RMI1: variants seen among roughly 807,000 people sequenced by gnomAD.
RMI1 encodes the protein recQ-mediated genome instability protein 1.
RMI1 carries 36 observed loss-of-function variants against 46.7 expected under a neutral mutation model. That is an observed-to-expected ratio of 0.77 (90% CI 0.59 to 1.02). The LOEUF is 1.02. Ranked by LOEUF, RMI1 falls within the 50% of genes least tolerant of loss-of-function variation. The probability of loss-of-function intolerance (pLI) is 0.00; values close to 1 mark genes in which losing one functional copy is unlikely to be tolerated. For missense variants in RMI1, 676 were observed against 713.7 expected (o/e 0.95, Z 0.60); for synonymous variants, 250 against 252.9 (o/e 0.99, Z 0.11).
At chr9:83,991,518 A>G (rs1046415353) in intron 1 of RMI1, among the ~76,000 whole-genome samples, 14 of 151,952 alleles carry the variant, frequency 9.2e-5, no homozygotes, top group Non-Finnish European at 1.3e-4. Flanking sequence ...GGGTCTTGCT[A>G]TGTTGCCCAG....
At position 84,001,110 on chromosome 9, in the gene RMI1, A is replaced by G. The variant is rs2133130840; in HGVS notation, c.124A>G (p.Asn42Asp). Residue 42 changes from asparagine (N) to aspartate (D), a missense_variant, in exon 3 of 3, where the codon AAC (asparagine) becomes GAC (aspartate). Transcript: ENST00000445877. ...GATTCAAGAAGAAAATAATAATGTT[A>G]ACTTGAGTCAGGCCCAAATGAATAA... Reference protein sequence around the residue: ...NWIQEENNNVNLSQAQMNKQV... With the variant: ...NWIQEENNNVDLSQAQMNKQV... 1 of 1,614,138 alleles carries G rather than the reference A, an allele frequency of 6.2e-7. No individual in the cohort carries two copies. Among genetic ancestry groups the G allele is most frequent in the African/African-American group, 1.3e-5 (1 of 75,058 alleles).
At chr9:83,996,064 A>G in intron 1 of RMI1, among the ~76,000 whole-genome samples, 1 of 152,114 alleles carries the variant, frequency 6.6e-6, no homozygotes, top group East Asian at 1.9e-4. Context: ...CCTAAAGTGT[A>G]TTATAATTTT....
chr9:83,980,750 G>A (rs1318242493), upstream of RMI1: 1 of 152,382 alleles, frequency 6.6e-6, no homozygotes, highest in East Asian at 1.9e-4. Flanking sequence ...AGTCCTTTGG[G>A]GTTGGAGGAG....
intron 1 of RMI1, among the ~76,000 whole-genome samples, chr9:83,998,544 A>G (rs1405218233): frequency 6.6e-6 from 1 of 152,230 alleles, no homozygotes; most frequent in African/African-American, 2.4e-5. Flanking sequence ...TAAGGAATCC[A>G]TGTCACTGAG....
chr9:83,997,431 A>G (rs1311738397), intron 1 of RMI1, among the ~76,000 whole-genome samples: 1 of 151,376 alleles, frequency 6.6e-6, no homozygotes, highest in Non-Finnish European at 1.5e-5. Flanking sequence ...CTTAATTGAA[A>G]AAAAAAAAGA....
chr9:83,997,378 T>C (rs925313936), intron 1 of RMI1, among the ~76,000 whole-genome samples: 7 of 151,762 alleles, frequency 4.6e-5, no homozygotes, highest in African/African-American at 1.5e-4. Flanking sequence ...CCCAAAGTGC[T>C]GGGATTACAG....
intron 1 of RMI1, among the ~76,000 whole-genome samples, chr9:83,985,805 A>G (rs1481459058): frequency 4.6e-5 from 7 of 152,054 alleles, no homozygotes; most frequent in Admixed American, 1.3e-4. Context: ...TCAGGAGATC[A>G]AGACCATCCT....
chr9:83,981,480 C>G (rs1957393174), intron 1 of RMI1, among the ~76,000 whole-genome samples: 1 of 152,182 alleles, frequency 6.6e-6, no homozygotes, highest in Non-Finnish European at 1.5e-5. Context: ...CGCACACTTG[C>G]ATTGTATTCG....
intron 1 of RMI1, among the ~76,000 whole-genome samples, chr9:83,997,108 C>CCT (rs763413688): frequency 1.7e-4 from 10 of 60,326 alleles, no homozygotes; most frequent in African/African-American, 7.0e-4. Flanking sequence ...ACACCCCCCC[C>CCT]TTTTTTTTTT....
rs768542987 is a variant in RMI1, at chr9:84,001,566, G to C, written c.580G>C (p.Val194Leu). ...AAACGTGAAAGTGTTAGGAGGTGAA[G>C]TAGATGCTCTTTTAGAAGAATATGC... ...PENVKVLGGE[V>L]DALLEEYAQE... Residue 194 changes from valine (V) to leucine (L), a missense_variant, in exon 3 of 3, where the codon GTA (valine) becomes CTA (leucine). Coordinates refer to ENST00000445877, the MANE Select transcript of RMI1 (RefSeq NM_001358291.2). 1 of 1,613,936 alleles carries C rather than the reference G, an allele frequency of 6.2e-7. No individual in the cohort carries two copies. The highest frequency in any genetic ancestry group is 1.3e-5 in the African/African-American group (1 of 75,060).
At chr9:83,997,170 G>A (rs1402462859) in intron 1 of RMI1, among the ~76,000 whole-genome samples, 1 of 137,800 alleles carries the variant, frequency 7.3e-6, no homozygotes, top group Non-Finnish European at 1.5e-5. Context: ...GGAGTGCAAT[G>A]GCGCAACCTC....
chr9:83,996,803 GGTGAAA>G (rs973201141), intron 1 of RMI1, among the ~76,000 whole-genome samples: 10 of 152,176 alleles, frequency 6.6e-5, no homozygotes, highest in African/African-American at 2.4e-4. Flanking sequence ...TTAAAATCAT[GGTGAAA>G]GTGAAGGCAA....
chr9:83,992,522 G>T (rs1260145684), intron 1 of RMI1, among the ~76,000 whole-genome samples: 1 of 151,548 alleles, frequency 6.6e-6, no homozygotes, highest in Non-Finnish European at 1.5e-5. Flanking sequence ...AAGGAGACTT[G>T]TTTATTGTAT....
chr9:83,997,107 C>T lies in RMI1; in HGVS notation c.-125-2602C>T, dbSNP rs1157339396. On this transcript the variant is annotated intron_variant, in intron 1 of 2. Transcript: ENST00000445877. ...GGTAGAGGTAAGTCCAACACCCCCC[C>T]CTTTTTTTTTTTTTTTTTTTTGAGA... Among the ~76,000 whole-genome samples the T allele has an allele frequency of 9.7e-5, 9 of 92,418 alleles. No homozygotes were observed. In the East Asian group the frequency reaches 2.2e-3, roughly 22 times the overall value. 60.6% of individuals were successfully genotyped at this position (92,418 alleles called of 152,430 possible).
chr9:83,980,450 G>C (rs908603774), upstream of RMI1: 7 of 152,714 alleles, frequency 4.6e-5, no homozygotes, highest in African/African-American at 1.7e-4. Context: ...CTTTCAGGGA[G>C]CCCCAACCCT....
chr9:83,981,110 A>C (rs1957377139), intron 1 of RMI1: 1 of 152,276 alleles, frequency 6.6e-6, no homozygotes, highest in African/African-American at 2.4e-5. Context: ...CCGGGGGCGC[A>C]GCTGGCGGTT....
rs1564088168 is a variant in RMI1, at chr9:84,003,931, A to AAG, written c.*1068_*1069insGA. 8 of 166,434 alleles carry AAG rather than the reference A, an allele frequency of 4.8e-5. No homozygotes were observed. Among genetic ancestry groups the AAG allele is most frequent in the African/African-American group, 1.9e-4 (8 of 41,528 alleles). 10.3% of individuals were successfully genotyped at this position (166,434 alleles called of 1,614,324 possible). ...TTAAGTACTGATTTTTTTTTAAAAA[A>AAG]AAGAGGGACTGTTTACCATTCTTCC... is the stretch of plus-strand genomic sequence containing the variant. On this transcript the variant is annotated 3_prime_UTR_variant, in exon 3 of 3. Transcript: ENST00000445877.
intron 1 of RMI1, among the ~76,000 whole-genome samples, chr9:83,990,397 C>T (rs889015047): frequency 6.6e-6 from 1 of 151,822 alleles, no homozygotes. Flanking sequence ...CTAGTCCCAG[C>T]TACTTGGGAG....
At chr9:83,996,770 A>G (rs1401728903) in intron 1 of RMI1, among the ~76,000 whole-genome samples, 3 of 152,132 alleles carry the variant, frequency 2.0e-5, no homozygotes, top group Non-Finnish European at 4.4e-5. Flanking sequence ...GTACAGGAGC[A>G]GGCTGGGGAG....
Sources: gnomAD v4.1 joint callset for allele counts (sites outside exome capture counted in the v4.1 genomes callset) on GRCh38, gnomAD v4.1.1 for gene constraint, MANE v1.5 for transcripts, NCBI Gene and HGNC (gene_info 2026-07-23, HGNC 2026-07-21) for gene names.